The following GATAD2A variants were observed in gnomAD, a reference collection of about 807,000 sequenced individuals.
GATAD2A encodes GATA zinc finger domain containing 2A.
GATAD2A carries 12 observed loss-of-function variants against 68.5 expected under a neutral mutation model. That is an observed-to-expected ratio of 0.18 (90% CI 0.11 to 0.28). The LOEUF (loss-of-function observed/expected upper bound fraction) is 0.28, where lower values mean the gene tolerates loss of function less well. GATAD2A is among the 10% of genes least tolerant of loss of function. The pLI, the probability that GATAD2A is intolerant of heterozygous loss-of-function variation, is 1.00. For synonymous variants in GATAD2A, 410 were observed against 375.3 expected (o/e 1.09, Z -1.07); for missense variants, 755 against 868.5 (o/e 0.87, Z 1.64).
chr19:19,429,661 T>C lies in GATAD2A; in HGVS notation c.-7+23642T>C, dbSNP rs146758403. Among the ~76,000 whole-genome samples the C allele has an allele frequency of 3.9e-4, 59 of 151,622 alleles. No individual in the cohort carries two copies. In the East Asian group the frequency reaches 0.011, roughly 28 times the overall value. ...TCAAGGAGGCTGTGGTTCCCATGGC[T>C]GAGGGAGGAGACAGGCAGGGGCAGA... On this transcript the variant is annotated intron_variant, in intron 1 of 11. Coordinates refer to ENST00000683918, the MANE Select transcript of GATAD2A (RefSeq NM_001384528.1).
At chr19:19,482,131 G>A (rs934704633) in intron 2 of GATAD2A, among the ~76,000 whole-genome samples, 5 of 151,900 alleles carry the variant, frequency 3.3e-5, no homozygotes, top group African/African-American at 1.2e-4. Context: ...ATGACCGAGC[G>A]CGGTGGCTCA....
At chr19:19,440,255 A>T (rs1265466851) in intron 1 of GATAD2A, 1 of 251,458 alleles carries the variant, frequency 4.0e-6, no homozygotes. Context: ...TTTTATTTTT[A>T]TTTATTTTTT....
Position 19,508,832 on chromosome 19 carries a change from A to T in GATAD2A, c.*3358A>T, listed in dbSNP as rs1257765943. On this transcript the variant is annotated 3_prime_UTR_variant, in exon 12 of 12. Coordinates refer to ENST00000683918, the MANE Select transcript of GATAD2A (RefSeq NM_001384528.1). Reference sequence around the variant, plus strand: ...AAGAAATGTTTGCCACCAGATGGGAATAGAAGTTCCAATAAGCAGGCTGGA... The same window carrying T: ...AAGAAATGTTTGCCACCAGATGGGATTAGAAGTTCCAATAAGCAGGCTGGA... 1 of 152,232 alleles carries T rather than the reference A, an allele frequency of 6.6e-6. No individual in the cohort carries two copies. The highest frequency in any genetic ancestry group is 1.5e-5 in the Non-Finnish European group (1 of 68,050). 9.4% of individuals were successfully genotyped at this position (152,232 alleles called of 1,614,324 possible).
At chr19:19,479,831 C>CTTTTTTTTTTTTTTTTTTTTTTTTTTTT (rs35537344) in intron 2 of GATAD2A, among the ~76,000 whole-genome samples, 1 of 85,580 alleles carries the variant, frequency 1.2e-5, no homozygotes, top group Non-Finnish European at 2.2e-5. Context: ...GTGGCCCACT[C>CTTTTTTTTTTTTTTTTTTTTTTTTTTTT]TTTTTTTTTT....
At chr19:19,475,205 T>A (rs948975214) in intron 2 of GATAD2A, among the ~76,000 whole-genome samples, 23 of 152,222 alleles carry the variant, frequency 1.5e-4, no homozygotes, top group Non-Finnish European at 3.1e-4. Context: ...TTGAATGAGA[T>A]GGACGATGGA....
At chr19:19,485,399 C>T (rs1351106141) in intron 2 of GATAD2A, among the ~76,000 whole-genome samples, 2 of 152,218 alleles carry the variant, frequency 1.3e-5, no homozygotes, top group African/African-American at 4.8e-5. Flanking sequence ...TGCATGTCAG[C>T]TGGGCTGGGT....
At chr19:19,468,625 G>T (rs548534842) in intron 2 of GATAD2A, among the ~76,000 whole-genome samples, 1 of 152,172 alleles carries the variant, frequency 6.6e-6, no homozygotes, top group Admixed American at 6.6e-5. Context: ...CTTCTGACTC[G>T]AGACAATGGA....
At chr19:19,422,790 C>T (rs2052579769) in intron 1 of GATAD2A, among the ~76,000 whole-genome samples, 2 of 151,352 alleles carry the variant, frequency 1.3e-5, no homozygotes, top group East Asian at 3.9e-4. Flanking sequence ...TGGCTCACTG[C>T]AAGCTCCGCC....
At chr19:19,429,711 C>T (rs901655584) in intron 1 of GATAD2A, among the ~76,000 whole-genome samples, 2 of 151,918 alleles carry the variant, frequency 1.3e-5, no homozygotes, top group African/African-American at 4.8e-5. Context: ...CATGTACTGG[C>T]TGTCACCCTA....
chr19:19,468,104 T>A (rs546265740), intron 2 of GATAD2A, among the ~76,000 whole-genome samples: 2 of 152,340 alleles, frequency 1.3e-5, no homozygotes, highest in African/African-American at 2.4e-5. Flanking sequence ...TACAACAATC[T>A]GAGAAGTATT....
At chr19:19,504,312 G>A (rs2060737751) in intron 11 of GATAD2A, among the ~76,000 whole-genome samples, 2 of 152,198 alleles carry the variant, frequency 1.3e-5, no homozygotes, top group African/African-American at 4.8e-5. Flanking sequence ...TGTCCATCAT[G>A]GAAATTTGGA....
At chr19:19,402,234 T>G (rs1023372562), upstream of GATAD2A, 1 of 151,892 alleles carries the variant, frequency 6.6e-6, no homozygotes. Context: ...AATTTTTTCT[T>G]TTTTATAGAG....
In GATAD2A at chr19:19,441,423, C is replaced by T. The variant is rs534641762; in HGVS notation, c.-6-23917C>T. ...TTTTATTTTTGGGCAGGGTCTTGCT[C>T]TGCCACCTAGGCTGGAGTGCAGTGG... On this transcript the variant is annotated intron_variant, in intron 1 of 11. Transcript: ENST00000683918. Among the ~76,000 whole-genome samples, 3 of 152,246 alleles carry T rather than the reference C, an allele frequency of 2.0e-5. No homozygotes were observed. In the East Asian group the frequency reaches 5.8e-4, roughly 29 times the overall value.
intron 1 of GATAD2A, among the ~76,000 whole-genome samples, chr19:19,449,426 G>A (rs1250822593): frequency 6.6e-6 from 1 of 152,102 alleles, no homozygotes; most frequent in Non-Finnish European, 1.5e-5. Context: ...CTGGGCTCAA[G>A]CACTCCTCCT....
chr19:19,406,386 G>T (rs1372948999), intron 1 of GATAD2A, among the ~76,000 whole-genome samples: 1 of 151,198 alleles, frequency 6.6e-6, no homozygotes, highest in African/African-American at 2.4e-5. Flanking sequence ...GCACGTGGGC[G>T]CGCGGGGCGG....
At chr19:19,463,602 C>CT (rs1013913520) in intron 1 of GATAD2A, among the ~76,000 whole-genome samples, 29 of 152,154 alleles carry the variant, frequency 1.9e-4, no homozygotes, top group Non-Finnish European at 3.7e-4. Flanking sequence ...GCCAGAGGGG[C>CT]TGGGGACAGG....
intron 1 of GATAD2A, among the ~76,000 whole-genome samples, chr19:19,428,893 C>T (rs1283006521): frequency 3.9e-5 from 6 of 152,156 alleles, no homozygotes; most frequent in African/African-American, 1.2e-4. Context: ...GGACATTGGC[C>T]GCGCCCCGAA....
intron 2 of GATAD2A, among the ~76,000 whole-genome samples, chr19:19,486,100 C>A (rs1478128426): frequency 6.6e-6 from 1 of 152,208 alleles, no homozygotes; most frequent in Admixed American, 6.5e-5. Flanking sequence ...CCCAGCCTTG[C>A]CAGGCCCCCA....
At chr19:19,460,722 C>A (rs118159216) in intron 1 of GATAD2A, among the ~76,000 whole-genome samples, 2,478 of 152,332 alleles carry the variant, frequency 0.016, 81 homozygotes, top group South Asian at 0.085. Flanking sequence ...GCAACCCCCT[C>A]CGGAGTGCCC....
Sources: allele counts gnomAD v4.1 joint callset (sites outside exome capture counted in the v4.1 genomes callset), GRCh38; gene constraint gnomAD v4.1.1; transcripts MANE v1.5; gene names NCBI Gene and HGNC (gene_info 2026-07-23, HGNC 2026-07-21).